KCNMA1: variants seen among roughly 807,000 people sequenced by gnomAD.
KCNMA1 encodes Calcium-activated potassium channel subunit alpha-1.
In KCNMA1, 29 loss-of-function variants were observed where a neutral mutation model predicts 140.0. That is an observed-to-expected ratio of 0.21 (90% CI 0.15 to 0.28). The LOEUF is 0.28. Among genes scored for constraint, KCNMA1 ranks in the 10% least tolerant of loss-of-function variants. The probability of loss-of-function intolerance (pLI) is 1.00; values close to 1 mark genes in which losing one functional copy is unlikely to be tolerated. For missense variants in KCNMA1, 880 were observed against 1,602.2 expected, an observed-to-expected ratio of 0.55 and a Z score of 7.70; for synonymous variants, 612 against 611.9, an observed-to-expected ratio of 1.00 and a Z score of 0.00.
At chr10:77,191,652 C>A (rs1370975723) in intron 3 of KCNMA1, among the ~76,000 whole-genome samples, 3 of 152,132 alleles carry the variant, frequency 2.0e-5, no homozygotes, top group African/African-American at 7.2e-5. Flanking sequence ...GATGTGGTCA[C>A]CTTTGATGGG....
intron 2 of KCNMA1, chr10:77,350,394 G>A (rs2092729478): frequency 6.6e-6 from 1 of 152,210 alleles, no homozygotes; most frequent in Admixed American, 6.5e-5. Flanking sequence ...CTGGGGTGTA[G>A]ACCAGAGCAG....
intron 5 of KCNMA1, among the ~76,000 whole-genome samples, chr10:77,146,208 C>G (rs1278336662): frequency 1.3e-5 from 2 of 152,072 alleles, no homozygotes; most frequent in Non-Finnish European, 2.9e-5. Context: ...CCACCAGCCC[C>G]CAAAAGAAAT....
chr10:77,112,841 C>CATAT (rs34600954), intron 6 of KCNMA1, among the ~76,000 whole-genome samples: 140 of 147,512 alleles, frequency 9.5e-4, no homozygotes, highest in Non-Finnish European at 1.6e-3. Context: ...TTGCCATGTA[C>CATAT]ATATATATAT....
intron 1 of KCNMA1, among the ~76,000 whole-genome samples, chr10:77,486,151 T>G (rs1003458912): frequency 1.1e-4 from 16 of 152,166 alleles, no homozygotes; most frequent in Admixed American, 7.2e-4. Context: ...GAGGACATAA[T>G]GTAGGCTGCC....
At chr10:77,225,415 C>T (rs1287677592) in intron 3 of KCNMA1, among the ~76,000 whole-genome samples, 1 of 152,126 alleles carries the variant, frequency 6.6e-6, no homozygotes, top group Admixed American at 6.5e-5. Flanking sequence ...TCATCTTTCT[C>T]CACCTGCCCC....
intron 1 of KCNMA1, among the ~76,000 whole-genome samples, chr10:77,425,615 A>G (rs530543985): frequency 6.6e-6 from 1 of 152,264 alleles, no homozygotes; most frequent in Non-Finnish European, 1.5e-5. Flanking sequence ...CTGGTGCGGC[A>G]ATGTGGGCTG....
At chr10:76,925,187 T>C (rs1338372172) in intron 23 of KCNMA1, among the ~76,000 whole-genome samples, 1 of 152,244 alleles carries the variant, frequency 6.6e-6, no homozygotes, top group East Asian at 1.9e-4. Flanking sequence ...TTAAATGTTG[T>C]TAAGCATCTT....
intron 3 of KCNMA1, among the ~76,000 whole-genome samples, chr10:77,189,060 G>A (rs1565100523): frequency 6.6e-6 from 1 of 152,094 alleles, no homozygotes; most frequent in Non-Finnish European, 1.5e-5. Flanking sequence ...CAGTTGGAGG[G>A]CTTGTTAAAA....
chr10:77,334,288 CTT>C (rs554026956), intron 2 of KCNMA1, among the ~76,000 whole-genome samples: 89 of 152,232 alleles, frequency 5.8e-4, no homozygotes, highest in Non-Finnish European at 1.1e-3. Context: ...TTGTAAGACT[CTT>C]TAAGAATCAC....
At chr10:77,425,159 A>T (rs969038033) in intron 1 of KCNMA1, among the ~76,000 whole-genome samples, 1 of 149,220 alleles carries the variant, frequency 6.7e-6, no homozygotes, top group Admixed American at 6.6e-5. Context: ...ATGGATGAGG[A>T]TATAAGTATT....
chr10:77,157,646 C>T (rs2098504176), intron 5 of KCNMA1, among the ~76,000 whole-genome samples: 1 of 152,098 alleles, frequency 6.6e-6, no homozygotes, highest in Admixed American at 6.5e-5. Flanking sequence ...TAAGAGCACT[C>T]TTATCTTGGG....
At chr10:77,320,257 A>T (rs1214880997) in intron 2 of KCNMA1, among the ~76,000 whole-genome samples, 1 of 151,828 alleles carries the variant, frequency 6.6e-6, no homozygotes, top group Admixed American at 6.6e-5. Flanking sequence ...ATGCTCTGGG[A>T]AGTGCATGAA....
intron 1 of KCNMA1, among the ~76,000 whole-genome samples, chr10:77,533,879 C>T (rs2058279762): frequency 6.6e-6 from 1 of 152,202 alleles, no homozygotes; most frequent in African/African-American, 2.4e-5. Context: ...AGAGCCAAAG[C>T]TCTAAAAGGT....
At position 76,885,165 on chromosome 10, in the gene KCNMA1, A is replaced by G; in HGVS notation, c.*2101T>C. On this transcript the variant is annotated 3_prime_UTR_variant, in exon 28 of 28. Transcript: ENST00000286628. ...CCTCCTTTGCAAAGAATGCATGAAGAGCTCTTCATGATCCAATACTAGGGG... is the reference window on the plus strand; with the variant it reads ...CCTCCTTTGCAAAGAATGCATGAAGGGCTCTTCATGATCCAATACTAGGGG... 3 of 1,300,494 alleles carry G rather than the reference A, an allele frequency of 2.3e-6. No individual in the cohort carries two copies. Among genetic ancestry groups the G allele is most frequent in the Non-Finnish European group, 2.9e-6 (3 of 1,019,106 alleles). 80.6% of individuals were successfully genotyped at this position (1,300,494 alleles called of 1,614,324 possible).
intron 17 of KCNMA1, among the ~76,000 whole-genome samples, chr10:77,016,436 A>G (rs2092056530): frequency 6.6e-6 from 1 of 152,174 alleles, no homozygotes; most frequent in African/African-American, 2.4e-5. Flanking sequence ...GAGCCTTCTA[A>G]ATGTAAACGA....
At chr10:76,888,951 C>T (rs964176479) in intron 27 of KCNMA1, among the ~76,000 whole-genome samples, 5 of 152,148 alleles carry the variant, frequency 3.3e-5, no homozygotes, top group African/African-American at 9.6e-5. Context: ...CCCAGCTACT[C>T]AGGAGGCTAA....
intron 21 of KCNMA1, 114 bp from the exon 22 acceptor site, chr10:76,949,480 T>C (rs2065421695): frequency 1.2e-6 from 1 of 843,760 alleles, no homozygotes; most frequent in Non-Finnish European, 2.0e-6. Context: ...GAGAGCTTAC[T>C]ATGTGCTATT....
At chr10:77,336,948 A>G (rs1275005046) in intron 2 of KCNMA1, among the ~76,000 whole-genome samples, 1 of 152,234 alleles carries the variant, frequency 6.6e-6, no homozygotes, top group Non-Finnish European at 1.5e-5. Flanking sequence ...CGCTGTGGGT[A>G]GAGCCTGTGC....
chr10:77,296,066 A>T (rs1392023809), intron 2 of KCNMA1, among the ~76,000 whole-genome samples: 1 of 152,154 alleles, frequency 6.6e-6, no homozygotes, highest in East Asian at 1.9e-4. Context: ...CAGTATCTTA[A>T]TCCCAAGAAC....
Sources: gnomAD v4.1 joint callset for allele counts (sites outside exome capture counted in the v4.1 genomes callset) on GRCh38, gnomAD v4.1.1 for gene constraint, MANE v1.5 for transcripts, NCBI Gene and HGNC (gene_info 2026-07-23, HGNC 2026-07-21) for gene names.